Variants in SERINC1 observed in about 807,000 individuals in gnomAD.
The protein encoded by SERINC1 is tumor differentially expressed protein 2.
Under a neutral mutation model 52.9 loss-of-function variants are expected in SERINC1, and 38 were observed. The observed-to-expected ratio is 0.72, with a 90% CI of 0.55 to 0.94. SERINC1 has a LOEUF of 0.94. Among genes scored for constraint, SERINC1 ranks in the 40% least tolerant of loss-of-function variants. The pLI is 0.00. For synonymous variants in SERINC1, 198 were observed against 183.1 expected, an observed-to-expected ratio of 1.08 and a Z score of -0.66; for missense variants, 471 against 533.9, an observed-to-expected ratio of 0.88 and a Z score of 1.16.
rs577052025 is a variant in SERINC1 at position 122,447,152 on chromosome 6, T to G, written c.964A>C (p.Ile322Leu). ...TAAAATACACACAACAAAAAGAGAA[T>G]TAGTCCTATAATTCCTTGAGCATGC... Reference protein sequence around the residue: ...WWHAQGIIGLILFLLCVFYSS... With the variant: ...WWHAQGIIGLLLFLLCVFYSS... The change falls in exon 8 of 10, where the codon ATT (isoleucine) becomes CTT (leucine). Residue 322 changes from isoleucine (I) to leucine (L), a missense_variant. Physicochemically the swap from Ile to Leu is conservative, Grantham distance 5 (BLOSUM62 2). Transcript: ENST00000339697. The G allele has an allele frequency of 6.2e-7, 1 of 1,613,450 alleles. No individual in the cohort carries two copies. The highest frequency in any genetic ancestry group is 1.3e-5 in the African/African-American group (1 of 75,030).
chr6:122,459,766 T>A (rs1422027050), intron 1 of SERINC1, among the ~76,000 whole-genome samples: 1 of 151,420 alleles, frequency 6.6e-6, no homozygotes, highest in Admixed American at 6.6e-5. Flanking sequence ...AAAAATGAAG[T>A]AAGAACAGAA....
intron 3 of SERINC1, among the ~76,000 whole-genome samples, chr6:122,454,791 A>C (rs1406958329): frequency 6.6e-6 from 1 of 152,000 alleles, no homozygotes; most frequent in Non-Finnish European, 1.5e-5. Context: ...AAGGGAATAC[A>C]CAATGGGTAG....
At chr6:122,464,406 GA>G (rs940347682) in intron 1 of SERINC1, among the ~76,000 whole-genome samples, 7 of 151,884 alleles carry the variant, frequency 4.6e-5, no homozygotes, top group Non-Finnish European at 1.5e-5. Flanking sequence ...TTGAGAAGGG[GA>G]AAAAAAGTGA....
Position 122,445,013 on chromosome 6 carries a change from C to A in SERINC1, c.*31G>T. Reference sequence around the variant, plus strand: ...ATACTGTTTTCAAATAAGCAATAATCAAAGTGGGACTTTCATGCTAGAAGT... The same window carrying A: ...ATACTGTTTTCAAATAAGCAATAATAAAAGTGGGACTTTCATGCTAGAAGT... On this transcript the variant is annotated 3_prime_UTR_variant, in exon 10 of 10. Transcript: ENST00000339697. 2 of 1,597,400 alleles carry A rather than the reference C, an allele frequency of 1.3e-6. No homozygotes were observed. Among genetic ancestry groups the A allele is most frequent in the Non-Finnish European group, 8.5e-7 (1 of 1,172,578 alleles).
At chr6:122,450,120 T>A (rs942713615) in intron 7 of SERINC1, among the ~76,000 whole-genome samples, 2 of 152,250 alleles carry the variant, frequency 1.3e-5, no homozygotes, top group Non-Finnish European at 2.9e-5. Flanking sequence ...AGGACTTTCA[T>A]AGCTATAGAG....
chr6:122,456,232 A>G (rs1774990720), intron 3 of SERINC1, among the ~76,000 whole-genome samples: 1 of 152,184 alleles, frequency 6.6e-6, no homozygotes, highest in African/African-American at 2.4e-5. Flanking sequence ...AGTCACAAAT[A>G]TAATAGAGCC....
At chr6:122,448,693 TACG>T (rs1258175637) in intron 7 of SERINC1, among the ~76,000 whole-genome samples, 2 of 152,108 alleles carry the variant, frequency 1.3e-5, no homozygotes, top group African/African-American at 2.4e-5. Context: ...TCTTTCTATA[TACG>T]ACAATTATAT....
intron 1 of SERINC1, among the ~76,000 whole-genome samples, chr6:122,465,398 C>A (rs1775171857): frequency 2.6e-5 from 4 of 151,590 alleles, no homozygotes; most frequent in Admixed American, 2.6e-4. Context: ...TGAGGTTTGA[C>A]AGGGAAACAC....
intron 7 of SERINC1, among the ~76,000 whole-genome samples, chr6:122,449,286 A>C (rs916097135): frequency 5.9e-5 from 9 of 152,370 alleles, no homozygotes; most frequent in East Asian, 3.9e-4. Flanking sequence ...CCAAAAGCTG[A>C]GACAGGTCAA....
At chr6:122,455,985 A>G (rs1209056373) in intron 3 of SERINC1, among the ~76,000 whole-genome samples, 2 of 152,196 alleles carry the variant, frequency 1.3e-5, no homozygotes, top group African/African-American at 4.8e-5. Context: ...TGTCTTTGGT[A>G]GCACATATAA....
At chr6:122,470,858 CTACT>C (rs1775279356) in intron 1 of SERINC1, among the ~76,000 whole-genome samples, 1 of 151,952 alleles carries the variant, frequency 6.6e-6, no homozygotes, top group Non-Finnish European at 1.5e-5. Context: ...AATGTTTTGC[CTACT>C]ATTTTGGAGG....
intron 1 of SERINC1, among the ~76,000 whole-genome samples, chr6:122,464,756 A>G (rs1307778643): frequency 1.3e-5 from 2 of 152,226 alleles, no homozygotes; most frequent in Non-Finnish European, 2.9e-5. Flanking sequence ...ATAAAAAATT[A>G]GAGCAAAGCA....
At chr6:122,454,058 A>C in intron 4 of SERINC1, 93 bp downstream of exon 4, 1 of 1,160,960 alleles carries the variant, frequency 8.6e-7, no homozygotes, top group African/African-American at 1.6e-5. Flanking sequence ...ACACCCCCAA[A>C]CAAAAAGACA....
intron 5 of SERINC1, 30 bp from the exon 6 acceptor site, chr6:122,452,087 CT>C: frequency 1.5e-6 from 2 of 1,360,876 alleles, no homozygotes; most frequent in Non-Finnish European, 9.6e-7. Context: ...GGATAATTAG[CT>C]TTTTATCAGA....
chr6:122,463,016 A>G (rs1270172246), intron 1 of SERINC1, among the ~76,000 whole-genome samples: 2 of 152,230 alleles, frequency 1.3e-5, no homozygotes, highest in African/African-American at 4.8e-5. Context: ...CAAGTCTGAA[A>G]AAAGAACAAA....
intron 1 of SERINC1, 139 bp downstream of exon 1, chr6:122,471,560 G>C: frequency 1.0e-6 from 1 of 982,966 alleles, no homozygotes; most frequent in Non-Finnish European, 1.6e-6. Context: ...AGAGGAGACG[G>C]GAAGAAAACG....
chr6:122,471,629 G>GC, intron 1 of SERINC1, 70 bp downstream of exon 1: 1 of 1,599,540 alleles, frequency 6.3e-7, no homozygotes, highest in Non-Finnish European at 8.6e-7. Flanking sequence ...GGCTCACCCA[G>GC]CCCCGGCTCG....
rs750920534 is a variant in SERINC1, at chr6:122,451,758, C to CAAAAAAAAAAAAAAA, written c.760-19_760-5dup. On this transcript the variant is annotated splice_region_variant and splice_polypyrimidine_tract_variant and intron_variant, in intron 6 of 9. Coordinates refer to ENST00000339697, the MANE Select transcript of SERINC1 (RefSeq NM_020755.4). ...AACCAGATCTTGGTTGTGATTCCTA[C>CAAAAAAAAAAAAAAA]AAAAAAAAAAAAAAAAAAATATATA... The CAAAAAAAAAAAAAAA allele has an allele frequency of 9.0e-5, 8 of 88,614 alleles. 1 individual carries two copies. The highest frequency in any genetic ancestry group is 6.5e-4 in the Admixed American group (2 of 3,062). 5.5% of individuals were successfully genotyped at this position (88,614 alleles called of 1,614,324 possible).
chr6:122,451,990 G>A lies in SERINC1; in HGVS notation c.657C>T (p.Tyr219=). The stretch of plus-strand genomic sequence containing the variant: ...CTGAACAACTGGCTGGATGAGTGTA[G>A]TAGACAAAGAACAGGACGATAGCAA... ...SLVAIVLFFV[Y]YTHPASCSEN... The change falls in exon 6 of 10, where the codon TAC becomes TAT. Residue 219 remains tyrosine (Y), a synonymous_variant. Coordinates refer to ENST00000339697, the MANE Select transcript of SERINC1 (RefSeq NM_020755.4). The A allele has an allele frequency of 6.3e-7, 1 of 1,594,912 alleles. No homozygotes were observed.
Sources: gnomAD v4.1 joint callset for allele counts (sites outside exome capture counted in the v4.1 genomes callset) on GRCh38, gnomAD v4.1.1 for gene constraint, MANE v1.5 for transcripts, NCBI Gene and HGNC (gene_info 2026-07-23, HGNC 2026-07-21) for gene names.